The following CADM2 variants were observed in gnomAD, a reference collection of about 807,000 sequenced individuals.
CADM2 encodes the protein immunoglobulin superfamily member 4D.
CADM2 carries 12 observed loss-of-function variants against 49.8 expected under a neutral mutation model. That is an observed-to-expected ratio of 0.24 (90% CI 0.15 to 0.39). The LOEUF is 0.39. Ranked by LOEUF, CADM2 falls within the 10% of genes least tolerant of loss-of-function variation. The probability of loss-of-function intolerance (pLI) is 1.00; values close to 1 mark genes in which losing one functional copy is unlikely to be tolerated. For missense variants in CADM2, 378 were observed against 492.3 expected (o/e 0.77, Z 2.20); for synonymous variants, 214 against 175.4 (o/e 1.22, Z -1.74).
intron 7 of CADM2, among the ~76,000 whole-genome samples, chr3:85,959,191 G>A (rs1359380550): frequency 6.9e-6 from 1 of 145,672 alleles, no homozygotes; most frequent in Non-Finnish European, 1.5e-5. Flanking sequence ...AAAGGCAACT[G>A]ATGAACAGCG....
intron 1 of CADM2, among the ~76,000 whole-genome samples, chr3:85,055,316 A>G (rs2036039140): frequency 6.6e-6 from 1 of 152,002 alleles, no homozygotes; most frequent in Non-Finnish European, 1.5e-5. Flanking sequence ...TTCATGTGGC[A>G]TGCTTCTTAT....
chr3:85,295,015 G>T (rs1265620320), intron 1 of CADM2, among the ~76,000 whole-genome samples: 2 of 152,024 alleles, frequency 1.3e-5, no homozygotes, highest in Non-Finnish European at 2.9e-5. Flanking sequence ...CCTACAAAAT[G>T]GGAGAAAATT....
chr3:85,525,682 C>T (rs2061144498), intron 1 of CADM2, among the ~76,000 whole-genome samples: 1 of 148,526 alleles, frequency 6.7e-6, no homozygotes, highest in Non-Finnish European at 1.5e-5. Flanking sequence ...AGTTTATCAT[C>T]TTCTTATTTT....
chr3:85,880,978 G>T (rs1712671688), intron 3 of CADM2, among the ~76,000 whole-genome samples: 1 of 152,012 alleles, frequency 6.6e-6, no homozygotes, highest in Admixed American at 6.5e-5. Context: ...TACCCTTTTA[G>T]TCCCACTCTC....
Position 85,367,094 on chromosome 3 carries a change from TTA to T in CADM2, c.62-359426_62-359425del, listed in dbSNP as rs1436100433. 7.9e-5 allele frequency among the ~76,000 whole-genome samples: 12 copies of T among 152,204 alleles called. 1 individual carries two copies. Among genetic ancestry groups the T allele is most frequent in the African/African-American group, 2.6e-4 (11 of 41,570 alleles). On this transcript the variant is annotated intron_variant, in intron 1 of 9. Coordinates refer to ENST00000383699, the MANE Select transcript of CADM2 (RefSeq NM_001167675.2). ...ACCATAAATTGATGTGTCCAATTAA[TTA>T]TCGGTTTTGATATATAATATCAAAA... is the stretch of plus-strand genomic sequence containing the variant.
intron 1 of CADM2, among the ~76,000 whole-genome samples, chr3:85,408,249 C>T (rs933650463): frequency 6.6e-6 from 1 of 152,018 alleles, no homozygotes; most frequent in African/African-American, 2.4e-5. Flanking sequence ...AAGGATTCAG[C>T]GCAGTAAATG....
intron 1 of CADM2, among the ~76,000 whole-genome samples, chr3:85,217,850 T>G (rs2041962523): frequency 6.6e-6 from 1 of 152,092 alleles, no homozygotes; most frequent in African/African-American, 2.4e-5. Flanking sequence ...CTTAATCCAT[T>G]TTTATAAGGC....
At chr3:85,214,361 C>T (rs77855531) in intron 1 of CADM2, among the ~76,000 whole-genome samples, 4,434 of 152,180 alleles carry the variant, frequency 0.029, 235 homozygotes, top group African/African-American at 0.1. Flanking sequence ...TGGCCACCAC[C>T]GTTGGTATTG....
intron 1 of CADM2, among the ~76,000 whole-genome samples, chr3:85,475,325 A>G (rs1427782878): frequency 6.6e-6 from 1 of 151,892 alleles, no homozygotes; most frequent in Non-Finnish European, 1.5e-5. Context: ...CTGGCCTCCT[A>G]TCTATCCTAT....
chr3:86,062,806 A>AT (rs568421571), intron 8 of CADM2, among the ~76,000 whole-genome samples: 8,099 of 142,700 alleles, frequency 0.057, 432 homozygotes, highest in African/African-American at 0.15. Context: ...GTGTATTGTT[A>AT]TTTTTTTTTT....
intron 8 of CADM2, among the ~76,000 whole-genome samples, chr3:86,019,733 C>T (rs1265212413): frequency 6.6e-6 from 1 of 151,774 alleles, no homozygotes; most frequent in Non-Finnish European, 1.5e-5. Context: ...GATTTTGTAT[C>T]CTGAGATTTT....
In CADM2 at chr3:85,258,134, C is replaced by A. The variant is rs372665716; in HGVS notation, c.61+298466C>A. On this transcript the variant is annotated intron_variant, in intron 1 of 9. Coordinates refer to ENST00000383699, the MANE Select transcript of CADM2 (RefSeq NM_001167675.2). ...TCACTGGCCCTTGTGTGAGGCAGCT[C>A]AGCCTACCTGAGTGGCCAAGATTAT... 3.9e-4 allele frequency among the ~76,000 whole-genome samples: 59 copies of A among 152,192 alleles called. 1 individual carries two copies. The highest frequency in any genetic ancestry group is 3.5e-3 in the East Asian group (18 of 5,154).
At chr3:85,864,331 T>C (rs1354059006) in intron 3 of CADM2, among the ~76,000 whole-genome samples, 2 of 152,212 alleles carry the variant, frequency 1.3e-5, no homozygotes, top group Non-Finnish European at 1.5e-5. Flanking sequence ...TTTATTTACA[T>C]CAACGGATTC....
chr3:85,604,076 C>T (rs2063487312), intron 1 of CADM2, among the ~76,000 whole-genome samples: 2 of 151,886 alleles, frequency 1.3e-5, no homozygotes, highest in South Asian at 4.1e-4. Flanking sequence ...TCTCTGGCTT[C>T]CCTTCTGTCA....
chr3:85,090,488 A>G (rs1255294763), intron 1 of CADM2, among the ~76,000 whole-genome samples: 1 of 152,200 alleles, frequency 6.6e-6, no homozygotes, highest in South Asian at 2.1e-4. Flanking sequence ...TGCACTAATA[A>G]TAATAACAGA....
At chr3:85,375,671 A>C (rs1320072188) in intron 1 of CADM2, among the ~76,000 whole-genome samples, 1 of 152,180 alleles carries the variant, frequency 6.6e-6, no homozygotes, top group Non-Finnish European at 1.5e-5. Context: ...ACACATTTTG[A>C]ATCAGAGGCC....
chr3:85,898,085 G>A (rs995463068), intron 5 of CADM2, among the ~76,000 whole-genome samples: 10 of 152,174 alleles, frequency 6.6e-5, no homozygotes, highest in South Asian at 2.1e-4. Flanking sequence ...CTGTGTGTGC[G>A]TGCACATAAC....
chr3:85,504,189 G>A (rs921930058), intron 1 of CADM2, among the ~76,000 whole-genome samples: 7 of 152,048 alleles, frequency 4.6e-5, no homozygotes, highest in South Asian at 2.1e-4. Flanking sequence ...TCGTGGTCTC[G>A]CTGGCTCAGG....
At chr3:85,354,499 A>G (rs1234687691) in intron 1 of CADM2, among the ~76,000 whole-genome samples, 1 of 151,044 alleles carries the variant, frequency 6.6e-6, no homozygotes, top group Non-Finnish European at 1.5e-5. Context: ...AACTTAAAGT[A>G]TAATAATAAT....
Sources: allele counts gnomAD v4.1 joint callset (sites outside exome capture counted in the v4.1 genomes callset), GRCh38; gene constraint gnomAD v4.1.1; transcripts MANE v1.5; gene names NCBI Gene and HGNC (gene_info 2026-07-23, HGNC 2026-07-21).